The following TNRC6B variants were observed in gnomAD, a reference collection of about 807,000 sequenced individuals.
TNRC6B encodes trinucleotide repeat-containing gene 6B protein.
TNRC6B carries 52 observed loss-of-function variants against 203.6 expected under a neutral mutation model. That is an observed-to-expected ratio of 0.26 (90% CI 0.20 to 0.32). TNRC6B has a LOEUF of 0.32. TNRC6B is among the 10% of genes least tolerant of loss of function. The probability of loss-of-function intolerance (pLI) is 1.00; values close to 1 mark genes in which losing one functional copy is unlikely to be tolerated. For synonymous variants in TNRC6B, 838 were observed against 845.7 expected (o/e 0.99, Z 0.16); for missense variants, 1,923 against 2,286.2 (o/e 0.84, Z 3.24).
At chr22:40,135,937 A>G (rs1318869754) in intron 3 of TNRC6B, among the ~76,000 whole-genome samples, 1 of 152,190 alleles carries the variant, frequency 6.6e-6, no homozygotes, top group Non-Finnish European at 1.5e-5. Context: ...GCTTCTCTAA[A>G]AGAAAAGAGG....
chr22:40,111,117 C>T lies in TNRC6B; in HGVS notation c.-120-5938C>T, dbSNP rs191609343. Among the ~76,000 whole-genome samples, 94 of 152,290 alleles carry T rather than the reference C, an allele frequency of 6.2e-4. 1 individual carries two copies. The highest frequency in any genetic ancestry group is 5.6e-3 in the Admixed American group (85 of 15,298). On this transcript the variant is annotated intron_variant, in intron 1 of 23. Coordinates refer to the TNRC6B transcript ENST00000301923. Reference sequence around the variant, plus strand: ...GAGAAGAGGGAGTCAGGAAAGACTTCACAGAACAGGTTTCCCTAAGCCTGC... The same window carrying T: ...GAGAAGAGGGAGTCAGGAAAGACTTTACAGAACAGGTTTCCCTAAGCCTGC...
chr22:40,204,902 A>G (rs2069460323), intron 1 of TNRC6B, among the ~76,000 whole-genome samples: 1 of 152,242 alleles, frequency 6.6e-6, no homozygotes, highest in African/African-American at 2.4e-5. Flanking sequence ...AATTTCACTT[A>G]TCCAGTGAAA....
intron 1 of TNRC6B, among the ~76,000 whole-genome samples, chr22:40,067,934 A>T (rs2067910456): frequency 1.3e-5 from 2 of 152,146 alleles, no homozygotes; most frequent in Non-Finnish European, 2.9e-5. Flanking sequence ...ACCTAAAATT[A>T]ACCATCACAG....
At chr22:40,283,226 G>A (rs779568567) in intron 11 of TNRC6B, among the ~76,000 whole-genome samples, 11 of 152,076 alleles carry the variant, frequency 7.2e-5, no homozygotes, top group Non-Finnish European at 1.3e-4. Flanking sequence ...TTTTAGTAGA[G>A]ATGGAGTTTC....
intron 3 of TNRC6B, among the ~76,000 whole-genome samples, chr22:40,150,247 G>A (rs2068738208): frequency 6.6e-6 from 1 of 152,140 alleles, no homozygotes; most frequent in Admixed American, 6.5e-5. Flanking sequence ...GCGTGGTCGT[G>A]GGCGCCTGTA....
intron 1 of TNRC6B, among the ~76,000 whole-genome samples, chr22:40,092,268 T>C (rs1271073501): frequency 6.6e-6 from 1 of 151,860 alleles, no homozygotes; most frequent in African/African-American, 2.4e-5. Context: ...CTGGTCATGG[T>C]GGTATGTGCC....
intron 3 of TNRC6B, chr22:40,253,663 T>A (rs1363003935): frequency 4.4e-6 from 2 of 456,266 alleles, no homozygotes; most frequent in Admixed American, 4.7e-5. Flanking sequence ...TCCTAAGGGA[T>A]TTAATTGTTA....
chr22:40,107,973 C>G (rs1215957170), intron 1 of TNRC6B, among the ~76,000 whole-genome samples: 7 of 150,998 alleles, frequency 4.6e-5, no homozygotes, highest in Admixed American at 2.0e-4. Context: ...GCGCAAGATG[C>G]ACAGGAACAG....
chr22:40,260,420 G>A (rs2070361789), intron 3 of TNRC6B, among the ~76,000 whole-genome samples: 1 of 152,126 alleles, frequency 6.6e-6, no homozygotes, highest in Non-Finnish European at 1.5e-5. Context: ...AGGAAGTCAT[G>A]GCCTGGTGAG....
At chr22:40,170,825 GTA>G (rs1202109912) in intron 4 of TNRC6B, among the ~76,000 whole-genome samples, 12 of 22,960 alleles carry the variant, frequency 5.2e-4, no homozygotes, top group South Asian at 2.6e-3. Context: ...ATATGTGTGT[GTA>G]TATACATATA....
At chr22:40,045,233 C>T (rs1202358103) in intron 1 of TNRC6B, among the ~76,000 whole-genome samples, 5 of 143,888 alleles carry the variant, frequency 3.5e-5, no homozygotes, top group African/African-American at 1.2e-4. Context: ...GCGCTGAGCG[C>T]GCGCTCCGCG....
chr22:40,218,493 A>C (rs2069666988), intron 1 of TNRC6B, among the ~76,000 whole-genome samples: 1 of 151,462 alleles, frequency 6.6e-6, no homozygotes, highest in South Asian at 2.1e-4. Context: ...TGCCTGGCTA[A>C]TATTTGTATT....
chr22:40,226,116 A>T (rs917550732), intron 1 of TNRC6B, among the ~76,000 whole-genome samples: 2 of 152,252 alleles, frequency 1.3e-5, no homozygotes. Flanking sequence ...ACTATTAAAC[A>T]TGCTTATCTT....
chr22:40,079,571 GTA>G (rs536120086), intron 1 of TNRC6B, among the ~76,000 whole-genome samples: 2 of 147,688 alleles, frequency 1.4e-5, no homozygotes, highest in East Asian at 1.9e-4. Context: ...CCAAATCTAA[GTA>G]TATATATATA....
chr22:40,190,329 A>G (rs1214649386), intron 1 of TNRC6B, among the ~76,000 whole-genome samples: 3 of 152,226 alleles, frequency 2.0e-5, no homozygotes, highest in Non-Finnish European at 4.4e-5. Flanking sequence ...TGTAGCATCT[A>G]GAATAGTACT....
chr22:40,280,223 G>A lies in TNRC6B; in HGVS notation c.3411+80G>A, dbSNP rs1056753162. The A allele has an allele frequency of 1.6e-5, 23 of 1,407,006 alleles. 1 individual carries two copies. Among genetic ancestry groups the A allele is most frequent in the Non-Finnish European group, 2.2e-5 (22 of 1,022,578 alleles). 87.2% of individuals were successfully genotyped at this position (1,407,006 alleles called of 1,614,324 possible). A position where few individuals can be genotyped will look rare whatever the true frequency, so the allele number is the denominator to read the frequency against. Reference sequence around the variant, plus strand: ...ATTTGTCTTTTGATAACTGATTCTAGAGGAAGCATAGAATTACTGAACTAG... The same window carrying A: ...ATTTGTCTTTTGATAACTGATTCTAAAGGAAGCATAGAATTACTGAACTAG... On this transcript the variant is annotated intron_variant, in intron 10 of 22. Coordinates refer to ENST00000454349, the MANE Select transcript of TNRC6B (RefSeq NM_001162501.2).
intron 3 of TNRC6B, among the ~76,000 whole-genome samples, chr22:40,127,917 A>G (rs2068508382): frequency 6.6e-6 from 1 of 152,192 alleles, no homozygotes; most frequent in Non-Finnish European, 1.5e-5. Context: ...TTCTCCCTGG[A>G]AAGAGAAGGT....
intron 12 of TNRC6B, among the ~76,000 whole-genome samples, chr22:40,296,581 C>T (rs1425755684): frequency 1.3e-5 from 2 of 151,564 alleles, no homozygotes; most frequent in African/African-American, 4.9e-5. Flanking sequence ...ACCCACCTGC[C>T]TCGGCTTCCC....
intron 1 of TNRC6B, among the ~76,000 whole-genome samples, chr22:40,062,460 C>T (rs761845882): frequency 1.3e-5 from 2 of 152,284 alleles, no homozygotes; most frequent in Middle Eastern, 6.8e-3. Flanking sequence ...CTGCCCATCT[C>T]GGCCTCCCAA....
Sources: gnomAD v4.1 joint callset for allele counts (sites outside exome capture counted in the v4.1 genomes callset) on GRCh38, gnomAD v4.1.1 for gene constraint, MANE v1.5 for transcripts, NCBI Gene and HGNC (gene_info 2026-07-23, HGNC 2026-07-21) for gene names.